Variants in HTR4 observed in about 807,000 individuals in gnomAD.
HTR4 encodes 5-hydroxytryptamine (serotonin) receptor 4, G protein-coupled.
In HTR4, 16 loss-of-function variants were observed where a neutral mutation model predicts 36.8. That is an observed-to-expected ratio of 0.43 (90% CI 0.29 to 0.66). HTR4 has a LOEUF of 0.66. HTR4 is among the 30% of genes least tolerant of loss of function. The pLI is 0.13. For synonymous variants in HTR4, 189 were observed against 185.1 expected, an observed-to-expected ratio of 1.02 and a Z score of -0.17; for missense variants, 438 against 490.9, an observed-to-expected ratio of 0.89 and a Z score of 1.02.
chr5:148,531,592 G>A (rs752762567), intron 4 of HTR4, among the ~76,000 whole-genome samples: 1 of 152,094 alleles, frequency 6.6e-6, no homozygotes, highest in Non-Finnish European at 1.5e-5. Context: ...CCTCTAAAAT[G>A]AAGTGTGTAT....
intron 5 of HTR4, among the ~76,000 whole-genome samples, chr5:148,465,049 A>C (rs1755388786): frequency 1.3e-5 from 2 of 152,092 alleles, no homozygotes; most frequent in Non-Finnish European, 2.9e-5. Flanking sequence ...AAAAAGATCA[A>C]TTGTTGCCAG....
At chr5:148,568,152 C>A (rs984957652) in intron 2 of HTR4, among the ~76,000 whole-genome samples, 4 of 152,110 alleles carry the variant, frequency 2.6e-5, no homozygotes, top group South Asian at 2.1e-4. Flanking sequence ...ATGTTACATC[C>A]AATAGAGACC....
intron 5 of HTR4, among the ~76,000 whole-genome samples, chr5:148,517,509 A>G (rs1442242162): frequency 1.3e-5 from 2 of 152,058 alleles, no homozygotes; most frequent in Non-Finnish European, 1.5e-5. Context: ...TCCACACCCT[A>G]TAAACTTACA....
At chr5:148,583,585 T>C (rs950675092) in intron 2 of HTR4, among the ~76,000 whole-genome samples, 16 of 151,712 alleles carry the variant, frequency 1.1e-4, no homozygotes, top group South Asian at 8.3e-4. Context: ...CTCTGGCAAA[T>C]AGAAAACACT....
At chr5:148,454,176 T>C (rs529360226) in intron 5 of HTR4, among the ~76,000 whole-genome samples, 9 of 152,318 alleles carry the variant, frequency 5.9e-5, no homozygotes, top group Non-Finnish European at 7.3e-5. Context: ...TGACAACTTA[T>C]TTAATCTCTC....
intron 2 of HTR4, among the ~76,000 whole-genome samples, chr5:148,619,539 A>G (rs1752836560): frequency 6.6e-6 from 1 of 152,242 alleles, no homozygotes; most frequent in African/African-American, 2.4e-5. Flanking sequence ...GCTACAGACC[A>G]AATTTTATGT....
chr5:148,502,083 T>G, intron 6 of HTR4, among the ~76,000 whole-genome samples: 1 of 148,878 alleles, frequency 6.7e-6, no homozygotes, highest in East Asian at 2.0e-4. Context: ...AAAAAAAGAC[T>G]GAACAAAAAG....
intron 2 of HTR4, among the ~76,000 whole-genome samples, chr5:148,627,153 C>A (rs1051764701): frequency 1.3e-5 from 2 of 152,170 alleles, no homozygotes; most frequent in Non-Finnish European, 2.9e-5. Context: ...TTTCCTCAGG[C>A]CCCTCCTCTT....
At chr5:148,650,423 T>C (rs1332120030) in intron 1 of HTR4, among the ~76,000 whole-genome samples, 1 of 152,232 alleles carries the variant, frequency 6.6e-6, no homozygotes, top group African/African-American at 2.4e-5. Flanking sequence ...GCTAGCCCTA[T>C]GAATAAGTCT....
At chr5:148,570,957 C>G (rs1760651917) in intron 2 of HTR4, among the ~76,000 whole-genome samples, 1 of 151,968 alleles carries the variant, frequency 6.6e-6, no homozygotes. Context: ...GGCACCATCT[C>G]CTAGGGGATG....
At chr5:148,524,184 G>A (rs186775870) in intron 4 of HTR4, among the ~76,000 whole-genome samples, 2 of 152,260 alleles carry the variant, frequency 1.3e-5, no homozygotes, top group South Asian at 2.1e-4. Context: ...GTGAGTTATT[G>A]TTAAGGATAC....
chr5:148,641,391 C>T (rs547135212), intron 1 of HTR4, among the ~76,000 whole-genome samples: 1 of 152,180 alleles, frequency 6.6e-6, no homozygotes, highest in South Asian at 2.1e-4. Context: ...AGAAATTATA[C>T]CCTCCATACT....
intron 2 of HTR4, among the ~76,000 whole-genome samples, chr5:148,598,347 C>G (rs760434905): frequency 6.6e-6 from 1 of 152,198 alleles, no homozygotes. Context: ...GAGTTTGAGA[C>G]CAGCCTTGTC....
downstream of HTR4, among the ~76,000 whole-genome samples, chr5:148,479,413 G>T (rs746823390): frequency 3.3e-5 from 5 of 151,664 alleles, no homozygotes; most frequent in South Asian, 1.0e-3. Context: ...GCATTTTATT[G>T]CATATTCAAA....
rs1229237239 is a variant in HTR4 at position 148,465,971 on chromosome 5, C to A, written c.1077-14699G>T. The A allele has an allele frequency of 5.1e-6, 8 of 1,584,102 alleles. No homozygotes were observed. The East Asian group carries it at 1.1e-4, about 22-fold the overall frequency. On this transcript the variant is annotated intron_variant, in intron 5 of 5. Coordinates refer to the HTR4 transcript ENST00000521530. ...CAGCCACAGATGAGGGAGAGCCAAG[C>A]AGAATTTGGGAAAGAAAAAAGAAAA...
intron 1 of HTR4, chr5:148,645,852 G>C (rs1450282530): frequency 6.6e-6 from 1 of 152,140 alleles, no homozygotes; most frequent in Non-Finnish European, 1.5e-5. Flanking sequence ...CCCCTACTTT[G>C]GGATGTGGCT....
chr5:148,539,959 T>C (rs1759022921), intron 4 of HTR4, among the ~76,000 whole-genome samples: 1 of 152,050 alleles, frequency 6.6e-6, no homozygotes, highest in South Asian at 2.1e-4. Flanking sequence ...GGTGAAGACA[T>C]AGAATCAACC....
intron 5 of HTR4, among the ~76,000 whole-genome samples, chr5:148,516,249 A>G (rs1757743241): frequency 6.7e-6 from 1 of 149,718 alleles, no homozygotes; most frequent in Non-Finnish European, 1.5e-5. Flanking sequence ...TATTAAATTT[A>G]TCATTATACT....
chr5:148,499,109 G>T (rs112299030), intron 6 of HTR4, among the ~76,000 whole-genome samples: 2,190 of 152,224 alleles, frequency 0.014, 27 homozygotes, highest in Middle Eastern at 0.048. Flanking sequence ...TTCCAGCTTT[G>T]TTGTTTACTA....
Sources: allele counts gnomAD v4.1 joint callset (sites outside exome capture counted in the v4.1 genomes callset), GRCh38; gene constraint gnomAD v4.1.1; transcripts MANE v1.5; gene names NCBI Gene and HGNC (gene_info 2026-07-23, HGNC 2026-07-21).